The following KIFAP3 variants were observed in gnomAD, a reference collection of about 807,000 sequenced individuals.
The protein encoded by KIFAP3 is kinesin associated protein 3.
In KIFAP3, 68 loss-of-function variants were observed where a neutral mutation model predicts 106.5. That is an observed-to-expected ratio of 0.64 (90% CI 0.53 to 0.78). KIFAP3 has a LOEUF of 0.78. Among genes scored for constraint, KIFAP3 ranks in the 30% least tolerant of loss-of-function variants. The probability of loss-of-function intolerance (pLI) is 0.00; values close to 1 mark genes in which losing one functional copy is unlikely to be tolerated. For synonymous variants in KIFAP3, 320 were observed against 311.5 expected, an observed-to-expected ratio of 1.03 and a Z score of -0.29; for missense variants, 780 against 941.8, an observed-to-expected ratio of 0.83 and a Z score of 2.25.
chr1:169,972,145 C>T (rs1249311437), intron 17 of KIFAP3, among the ~76,000 whole-genome samples: 1 of 151,696 alleles, frequency 6.6e-6, no homozygotes, highest in South Asian at 2.1e-4. Flanking sequence ...ATAGCTGATA[C>T]AAGATTTGAT....
chr1:169,966,464 C>CAAAAA (rs58208596), intron 17 of KIFAP3, among the ~76,000 whole-genome samples: 1 of 130,086 alleles, frequency 7.7e-6, no homozygotes, highest in Non-Finnish European at 1.6e-5. Flanking sequence ...CGGAAAATGG[C>CAAAAA]AAAAAAAAAA....
intron 3 of KIFAP3, 119 bp from the exon 4 acceptor site, chr1:170,039,407 T>C: frequency 1.8e-6 from 1 of 570,390 alleles, no homozygotes; most frequent in Non-Finnish European, 3.1e-6. Flanking sequence ...CTAAATAGTT[T>C]ATGAAATAAT....
chr1:169,935,397 G>C (rs1455226114), intron 19 of KIFAP3, among the ~76,000 whole-genome samples: 1 of 151,896 alleles, frequency 6.6e-6, no homozygotes, highest in African/African-American at 2.4e-5. Flanking sequence ...AGATCGCTTT[G>C]CCTTTTAGTT....
At chr1:169,982,603 T>C (rs1196857726) in intron 14 of KIFAP3, 99 bp downstream of exon 14, 3 of 758,450 alleles carry the variant, frequency 4.0e-6, no homozygotes, top group Non-Finnish European at 6.0e-6. Flanking sequence ...TGGCTTTTCC[T>C]AACATAATAA....
At chr1:170,031,500 T>C (rs1669409059) in intron 8 of KIFAP3, among the ~76,000 whole-genome samples, 1 of 151,728 alleles carries the variant, frequency 6.6e-6, no homozygotes, top group South Asian at 2.1e-4. Flanking sequence ...AAGGAATTCT[T>C]TTCTATTAAA....
rs1316348801 is a variant in KIFAP3 at position 169,982,997 on chromosome 1, T to A, written c.1507-130A>T. ...AAATGTGATTTTCTTGTTTTAATAA[T>A]CTTGAGCTAAATTGCTAAAGAAGCC... is the stretch of plus-strand genomic sequence containing the variant. On this transcript the variant is annotated intron_variant, in intron 13 of 19. Transcript: ENST00000361580. 1.6e-5 allele frequency: 10 copies of A among 643,356 alleles called. No individual in the cohort carries two copies. The South Asian group carries it at 4.0e-4, about 26-fold the overall frequency. 39.9% of individuals were successfully genotyped at this position (643,356 alleles called of 1,614,324 possible).
At chr1:169,967,926 T>C (rs914659068) in intron 17 of KIFAP3, among the ~76,000 whole-genome samples, 2 of 151,814 alleles carry the variant, frequency 1.3e-5, no homozygotes, top group African/African-American at 4.8e-5. Context: ...AAAATAATTA[T>C]GAGAATTCAG....
chr1:169,938,890 C>A (rs1443442413), intron 19 of KIFAP3, among the ~76,000 whole-genome samples: 2 of 152,112 alleles, frequency 1.3e-5, no homozygotes, highest in Non-Finnish European at 2.9e-5. Flanking sequence ...TGCGAAAGAA[C>A]TTGGTGAATG....
chr1:169,951,300 G>T (rs1241223761), intron 19 of KIFAP3, among the ~76,000 whole-genome samples: 1 of 151,822 alleles, frequency 6.6e-6, no homozygotes, highest in Non-Finnish European at 1.5e-5. Context: ...AACTTTCTCA[G>T]GGAAAGTTCT....
intron 14 of KIFAP3, 38 bp from the exon 15 acceptor site, chr1:169,982,135 G>A: frequency 6.3e-7 from 1 of 1,598,306 alleles, no homozygotes; most frequent in South Asian, 1.1e-5. Context: ...TCACTGAAAT[G>A]TCCTGATCCA....
intron 15 of KIFAP3, 73 bp downstream of exon 15, chr1:169,981,899 G>A: frequency 3.2e-6 from 4 of 1,234,256 alleles, no homozygotes; most frequent in Non-Finnish European, 4.5e-6. Flanking sequence ...TACAGACTCT[G>A]CATTTTATAT....
chr1:170,045,079 T>C (rs1384880212), intron 3 of KIFAP3, among the ~76,000 whole-genome samples: 4 of 152,192 alleles, frequency 2.6e-5, no homozygotes, highest in East Asian at 1.9e-4. Flanking sequence ...CAGGACACAA[T>C]TGGAGATGCT....
Position 169,990,125 on chromosome 1 carries a change from A to T in KIFAP3, c.1284+2030T>A. On this transcript the variant is annotated intron_variant, in intron 11 of 19. Coordinates refer to ENST00000361580, the MANE Select transcript of KIFAP3 (RefSeq NM_014970.4). ...AAAATAGAGCGATTTACTCTTCTCC[A>T]ATCAGTGCATATTTACAAGAAGCAC... The T allele has an allele frequency of 2.0e-6, 3 of 1,497,210 alleles. No homozygotes were observed. The South Asian group carries it at 3.7e-5, about 19-fold the overall frequency. The allele number at this position is 1,497,210 out of a possible 1,614,324, so 92.7% of individuals were successfully genotyped here. A position where few individuals can be genotyped will look rare whatever the true frequency, so the allele number is the denominator to read the frequency against.
chr1:170,010,196 A>C (rs957098999), intron 10 of KIFAP3, among the ~76,000 whole-genome samples: 4 of 152,072 alleles, frequency 2.6e-5, no homozygotes, highest in Non-Finnish European at 5.9e-5. Context: ...GCAATATTTA[A>C]GAGAAGGAAA....
At position 170,065,015 on chromosome 1, in the gene KIFAP3, T is replaced by C. The variant is rs535746817; in HGVS notation, c.32+9421A>G. ...ATTAGTTGAGGAGTATCCTTTTTTT[T>C]CTAGACTTCTTGGAAGAGTTGTACA... is the stretch of plus-strand genomic sequence containing the variant. On this transcript the variant is annotated intron_variant, in intron 1 of 19. Transcript: ENST00000361580. 9.2e-5 allele frequency among the ~76,000 whole-genome samples: 14 copies of C among 152,332 alleles called. No homozygotes were observed. In the South Asian group the frequency reaches 2.1e-3, roughly 23 times the overall value.
At chr1:169,939,958 C>T (rs144235898) in intron 19 of KIFAP3, among the ~76,000 whole-genome samples, 1 of 152,190 alleles carries the variant, frequency 6.6e-6, no homozygotes, top group Non-Finnish European at 1.5e-5. Flanking sequence ...AAACAGGAAG[C>T]AGTTGGAATA....
At chr1:169,943,060 GATTT>G (rs1302418128) in intron 19 of KIFAP3, among the ~76,000 whole-genome samples, 1 of 151,940 alleles carries the variant, frequency 6.6e-6, no homozygotes, top group East Asian at 1.9e-4. Flanking sequence ...TTTATTCTTA[GATTT>G]ATTTGGTAAT....
chr1:170,038,207 GAA>G (rs1245273525), intron 5 of KIFAP3, 81 bp downstream of exon 5: 9 of 1,079,100 alleles, frequency 8.3e-6, no homozygotes, highest in Non-Finnish European at 3.9e-6. Context: ...TAAAGAGCTG[GAA>G]AATATATGAA....
At chr1:169,931,665 C>T (rs531108818) in intron 19 of KIFAP3, among the ~76,000 whole-genome samples, 18 of 152,306 alleles carry the variant, frequency 1.2e-4, no homozygotes, top group Admixed American at 5.2e-4. Context: ...GTCATTAGCA[C>T]GTCCTTTAAA....
Sources: allele counts gnomAD v4.1 joint callset (sites outside exome capture counted in the v4.1 genomes callset), GRCh38; gene constraint gnomAD v4.1.1; transcripts MANE v1.5; gene names NCBI Gene and HGNC (gene_info 2026-07-23, HGNC 2026-07-21).